Variants in GRIN2A observed in about 807,000 individuals in gnomAD.
GRIN2A encodes the protein glutamate receptor ionotropic, NMDA 2A.
In GRIN2A, 22 loss-of-function variants were observed where a neutral mutation model predicts 113.4. The observed-to-expected ratio is 0.19, with a 90% confidence interval of 0.14 to 0.28. The LOEUF (loss-of-function observed/expected upper bound fraction) is 0.28. Among genes scored for constraint, GRIN2A ranks in the 10% least tolerant of loss-of-function variants. GRIN2A has a pLI of 1.00. For synonymous variants in GRIN2A, 827 were observed against 738.4 expected, an observed-to-expected ratio of 1.12 and a Z score of -1.94; for missense variants, 1,502 against 1,887.0, an observed-to-expected ratio of 0.80 and a Z score of 3.78.
intron 2 of GRIN2A, among the ~76,000 whole-genome samples, chr16:10,050,488 C>A (rs895141397): frequency 2.6e-5 from 4 of 152,016 alleles, no homozygotes; most frequent in African/African-American, 9.7e-5. Context: ...CTATTGTGAA[C>A]TGCACATACG....
intron 2 of GRIN2A, among the ~76,000 whole-genome samples, chr16:9,986,167 G>C (rs2045976291): frequency 6.6e-6 from 1 of 151,984 alleles, no homozygotes; most frequent in Admixed American, 6.6e-5. Context: ...TGGGTACCGA[G>C]ATAAGAAAGG....
At chr16:10,058,278 C>A (rs958065354) in intron 2 of GRIN2A, among the ~76,000 whole-genome samples, 48 of 141,218 alleles carry the variant, frequency 3.4e-4, no homozygotes, top group Non-Finnish European at 4.9e-4. Flanking sequence ...AACAAAAAAA[C>A]CAAAAAACAA....
intron 2 of GRIN2A, among the ~76,000 whole-genome samples, chr16:9,969,229 C>T (rs4780746): frequency 0.25 from 37,991 of 151,844 alleles, 5,107 homozygotes; most frequent in Non-Finnish European, 0.28. Flanking sequence ...TTGGTGTTAC[C>T]GAATCTTTCC....
chr16:10,160,815 C>T (rs2049795321), intron 2 of GRIN2A, among the ~76,000 whole-genome samples: 1 of 152,182 alleles, frequency 6.6e-6, no homozygotes, highest in Non-Finnish European at 1.5e-5. Context: ...TCCAGCTATC[C>T]TGAATTTCTT....
intron 2 of GRIN2A, among the ~76,000 whole-genome samples, chr16:9,985,961 C>G (rs1488489269): frequency 2.0e-5 from 3 of 152,076 alleles, no homozygotes; most frequent in African/African-American, 7.2e-5. Flanking sequence ...CCCAGAAATA[C>G]ATATGCCTAC....
chr16:9,923,196 T>A (rs564056429), intron 3 of GRIN2A, among the ~76,000 whole-genome samples: 1 of 152,192 alleles, frequency 6.6e-6, no homozygotes, highest in South Asian at 2.1e-4. Flanking sequence ...TTTATCATAA[T>A]GAAATGGCAA....
At chr16:9,991,641 AACATGTC>A (rs2046114789) in intron 2 of GRIN2A, among the ~76,000 whole-genome samples, 1 of 152,168 alleles carries the variant, frequency 6.6e-6, no homozygotes, top group Non-Finnish European at 1.5e-5. Context: ...TATAAGTGAG[AACATGTC>A]ACATTTGACT....
intron 10 of GRIN2A, among the ~76,000 whole-genome samples, chr16:9,818,423 G>A (rs942463791): frequency 4.0e-5 from 6 of 150,692 alleles, no homozygotes; most frequent in Non-Finnish European, 5.9e-5. Context: ...TTTGAATTAC[G>A]TCTCAAAATT....
chr16:10,003,105 A>C (rs2141847361), intron 2 of GRIN2A, among the ~76,000 whole-genome samples: 1 of 152,316 alleles, frequency 6.6e-6, no homozygotes, highest in South Asian at 2.1e-4. Flanking sequence ...AATACGAGGC[A>C]ATCAGTTTAA....
In GRIN2A at chr16:10,180,094, C is replaced by T. The variant is rs2050230040; in HGVS notation, c.318G>A (p.Gln106=). The change falls in exon 2 of 13, where the codon CAG becomes CAA. Residue 106 remains glutamine (Q), a synonymous_variant. Coordinates refer to ENST00000330684, the MANE Select transcript of GRIN2A (RefSeq NM_001134407.3). This position sits in a 1 kb window ranked among gnomAD's most constrained non-coding sequence, Gnocchi z 7.0. Reference sequence around the variant, plus strand: ...AATCCAGCATCTGGGCTACGGCCTCCTGGTCCGTGTCGTCCCCAAACACGA... The same window carrying T: ...AATCCAGCATCTGGGCTACGGCCTCTTGGTCCGTGTCGTCCCCAAACACGA... The part of the protein sequence containing the change: ...HGLVFGDDTD[Q]EAVAQMLDFI... 1 of 1,614,220 alleles carries T rather than the reference C, an allele frequency of 6.2e-7. No homozygotes were observed. The highest frequency in any genetic ancestry group is 8.5e-7 in the Non-Finnish European group (1 of 1,180,032).
chr16:10,162,143 T>C (rs2049820087), intron 2 of GRIN2A, among the ~76,000 whole-genome samples: 2 of 152,134 alleles, frequency 1.3e-5, no homozygotes, highest in Admixed American at 6.5e-5. Flanking sequence ...TGAGAAGCAT[T>C]GAACCTAGAA....
At chr16:9,831,520 C>CTT (rs57684819) in intron 8 of GRIN2A, among the ~76,000 whole-genome samples, 2,903 of 129,056 alleles carry the variant, frequency 0.022, 124 homozygotes, top group African/African-American at 0.075. Flanking sequence ...TTTTCTTTTT[C>CTT]TTTTTTTTTT....
chr16:10,153,789 C>T (rs940652340), intron 2 of GRIN2A, among the ~76,000 whole-genome samples: 15 of 152,290 alleles, frequency 9.8e-5, no homozygotes, highest in Admixed American at 5.9e-4. Context: ...ACAACTGAGA[C>T]GGAAAGATCT....
At chr16:9,927,915 C>T (rs2044500376) in intron 3 of GRIN2A, among the ~76,000 whole-genome samples, 1 of 152,164 alleles carries the variant, frequency 6.6e-6, no homozygotes, top group Non-Finnish European at 1.5e-5. Context: ...TGTGGATTTA[C>T]TCTTTGTGTT....
intron 2 of GRIN2A, among the ~76,000 whole-genome samples, chr16:10,057,537 A>T (rs2047477408): frequency 6.6e-6 from 1 of 152,194 alleles, no homozygotes; most frequent in Admixed American, 6.5e-5. Context: ...CAGCTCTACA[A>T]AGAAAATAAC....
In GRIN2A at chr16:10,011,724, C is replaced by T. The variant is rs564440646; in HGVS notation, c.415-73173G>A. Among the ~76,000 whole-genome samples, 7 of 152,196 alleles carry T rather than the reference C, an allele frequency of 4.6e-5. No homozygotes were observed. The South Asian group carries it at 1.2e-3, about 27-fold the overall frequency. On this transcript the variant is annotated intron_variant, in intron 2 of 12. Transcript: ENST00000330684. ...GTTACCCAGTGTTGGTTTCATCTAC[C>T]TGCTGCCCTACTGCAGAATCAGAAA...
Position 9,764,792 on chromosome 16 carries a change from G to A in GRIN2A, c.2752C>T (p.Pro918Ser), listed in dbSNP as rs778940856. The A allele has an allele frequency of 1.9e-6, 3 of 1,614,198 alleles. No individual in the cohort carries two copies. In the Admixed American group the frequency reaches 5.0e-5, roughly 27 times the overall value. Residue 918 changes from proline to serine, a missense_variant, in exon 13 of 13, where the codon CCC (proline) becomes TCC (serine). Coordinates refer to ENST00000330684, the MANE Select transcript of GRIN2A (RefSeq NM_001134407.3). ...TGGATGAAGTCAGCAGCTCTTTTGGGTGAGTCCATTCTTGAGGAGTTCATG... is the reference window on the plus strand; with the variant it reads ...TGGATGAAGTCAGCAGCTCTTTTGGATGAGTCCATTCTTGAGGAGTTCATG... Reference protein sequence around the residue: ...SNMNSSRMDSPKRAADFIQRG... With the variant: ...SNMNSSRMDSSKRAADFIQRG...
intron 2 of GRIN2A, among the ~76,000 whole-genome samples, chr16:9,999,349 G>A (rs1409448643): frequency 6.6e-6 from 1 of 152,162 alleles, no homozygotes; most frequent in Non-Finnish European, 1.5e-5. Context: ...GAATCAAGCT[G>A]TCCATCAATG....
At chr16:10,163,048 A>G (rs1024204794) in intron 2 of GRIN2A, among the ~76,000 whole-genome samples, 1 of 152,198 alleles carries the variant, frequency 6.6e-6, no homozygotes, top group African/African-American at 2.4e-5. Context: ...GATTATTTTT[A>G]TGCTTCTGCA....
Sources: gnomAD v4.1 joint callset for allele counts (sites outside exome capture counted in the v4.1 genomes callset) on GRCh38, gnomAD v4.1.1 for gene constraint, Gnocchi (gnomAD v3.1) non-coding constraint, MANE v1.5 for transcripts, NCBI Gene and HGNC (gene_info 2026-07-23, HGNC 2026-07-21) for gene names.